ANKRD31: variants seen among roughly 807,000 people sequenced by gnomAD.
ANKRD31 encodes the protein ankyrin repeat domain-containing protein 31.
Under a neutral mutation model 186.0 loss-of-function variants are expected in ANKRD31, and 147 were observed. The ratio of observed to expected loss-of-function variants is 0.79; its 90% CI spans 0.69 to 0.91. ANKRD31 has a LOEUF of 0.91. Among genes scored for constraint, ANKRD31 ranks in the 40% least tolerant of loss-of-function variants. The pLI, the probability that ANKRD31 is intolerant of heterozygous loss-of-function variation, is 0.00. For synonymous variants in ANKRD31, 673 were observed against 736.4 expected (o/e 0.91, Z 1.39); for missense variants, 1,986 against 2,148.8 (o/e 0.92, Z 1.50).
chr5:75,128,413 A>C (rs1399713196), intron 17 of ANKRD31, among the ~76,000 whole-genome samples: 2 of 44,484 alleles, frequency 4.5e-5, no homozygotes, highest in East Asian at 1.3e-3. Context: ...AAAATAAAAA[A>C]GAAGTGAGAG....
chr5:75,154,884 C>G (rs866234772), intron 11 of ANKRD31, among the ~76,000 whole-genome samples: 1 of 152,108 alleles, frequency 6.6e-6, no homozygotes, highest in Non-Finnish European at 1.5e-5. Context: ...ACTGTTACTA[C>G]TTCTCAAACA....
chr5:75,179,637 G>C (rs1008972200), intron 10 of ANKRD31, among the ~76,000 whole-genome samples: 1 of 151,196 alleles, frequency 6.6e-6, no homozygotes, highest in African/African-American at 2.4e-5. Context: ...CAAAAACCAC[G>C]ATTATCTCAA....
intron 17 of ANKRD31, among the ~76,000 whole-genome samples, chr5:75,127,162 G>A (rs1226032360): frequency 6.7e-6 from 1 of 148,396 alleles, no homozygotes; most frequent in African/African-American, 2.5e-5. Flanking sequence ...TCCAGCCTGG[G>A]TGGCAAAGTG....
At chr5:75,085,471 A>G (rs1745414032) in intron 23 of ANKRD31, among the ~76,000 whole-genome samples, 1 of 151,902 alleles carries the variant, frequency 6.6e-6, no homozygotes, top group Non-Finnish European at 1.5e-5. Flanking sequence ...TCCTGAGTTC[A>G]AGCAATTCTC....
At chr5:75,148,306 C>A (rs900821900) in intron 13 of ANKRD31, among the ~76,000 whole-genome samples, 1 of 151,640 alleles carries the variant, frequency 6.6e-6, no homozygotes, top group African/African-American at 2.4e-5. Flanking sequence ...TATGCTTAGG[C>A]CACAGGAAAT....
At chr5:75,174,967 T>C (rs1753670613) in intron 10 of ANKRD31, among the ~76,000 whole-genome samples, 1 of 152,164 alleles carries the variant, frequency 6.6e-6, no homozygotes, top group African/African-American at 2.4e-5. Flanking sequence ...TAGCAAAGAC[T>C]TGGAACTAAC....
At chr5:75,100,153 T>C (rs900921421) in intron 22 of ANKRD31, among the ~76,000 whole-genome samples, 1 of 152,230 alleles carries the variant, frequency 6.6e-6, no homozygotes, top group African/African-American at 2.4e-5. Context: ...CAAGAACTTC[T>C]TTATTTCTGC....
intron 17 of ANKRD31, among the ~76,000 whole-genome samples, chr5:75,134,736 T>A (rs930165101): frequency 6.6e-6 from 1 of 152,126 alleles, no homozygotes; most frequent in South Asian, 2.1e-4. Context: ...TTTGGACCAA[T>A]ATCCCTGATG....
chr5:75,137,498 TA>T (rs1322755130), intron 17 of ANKRD31, among the ~76,000 whole-genome samples: 2 of 152,112 alleles, frequency 1.3e-5, no homozygotes, highest in Admixed American at 6.6e-5. Flanking sequence ...AATTTTAAGT[TA>T]AAAAAATCTA....
At position 75,196,053 on chromosome 5, in the gene ANKRD31, T is replaced by C. The variant is rs1010308597; in HGVS notation, c.595A>G (p.Lys199Glu). 1.2e-5 allele frequency: 18 copies of C among 1,536,682 alleles called. No individual in the cohort carries two copies. The highest frequency in any genetic ancestry group is 1.4e-5 in the Non-Finnish European group (16 of 1,146,672). ...AAPNTFFEPR[K>E]EVTMTMTSEE... ...GAAGTCATGGTCATTGTGACTTCCTTTCTAGGCTCAAAAAATGTATTTGGT... is the reference window on the plus strand; with the variant it reads ...GAAGTCATGGTCATTGTGACTTCCTCTCTAGGCTCAAAAAATGTATTTGGT... Residue 199 changes from lysine (K) to glutamate (E), a missense_variant, in exon 7 of 26, where the codon AAG (lysine) becomes GAG (glutamate). Transcript: ENST00000506364.
At chr5:75,122,456 T>C (rs1034301292) in intron 17 of ANKRD31, among the ~76,000 whole-genome samples, 1 of 151,356 alleles carries the variant, frequency 6.6e-6, no homozygotes, top group African/African-American at 2.4e-5. Context: ...GACACCAAAG[T>C]CTGACAAGAA....
chr5:75,221,454 G>T (rs1218576441), intron 3 of ANKRD31, among the ~76,000 whole-genome samples: 1 of 152,034 alleles, frequency 6.6e-6, no homozygotes, highest in African/African-American at 2.4e-5. Context: ...TACCATACAG[G>T]CTATATCTTC....
At chr5:75,083,915 G>A (rs2150018477) in intron 24 of ANKRD31, among the ~76,000 whole-genome samples, 1 of 152,246 alleles carries the variant, frequency 6.6e-6, no homozygotes, top group South Asian at 2.1e-4. Flanking sequence ...GACAAAAAGG[G>A]TCACATATAT....
chr5:75,106,620 T>C (rs1194002806), intron 21 of ANKRD31, among the ~76,000 whole-genome samples: 1 of 151,966 alleles, frequency 6.6e-6, no homozygotes, highest in Non-Finnish European at 1.5e-5. Context: ...GAAACTCCAA[T>C]TGATCAGGAA....
chr5:75,226,931 T>G (rs1312121322), intron 2 of ANKRD31, among the ~76,000 whole-genome samples: 1 of 152,016 alleles, frequency 6.6e-6, no homozygotes, highest in East Asian at 1.9e-4. Context: ...TTTGGGATTT[T>G]CCTTTCCAAA....
At chr5:75,099,185 T>G (rs1746595199) in intron 22 of ANKRD31, among the ~76,000 whole-genome samples, 1 of 152,228 alleles carries the variant, frequency 6.6e-6, no homozygotes, top group Non-Finnish European at 1.5e-5. Context: ...TCTATTGAGA[T>G]AATCATGGGG....
intron 11 of ANKRD31, among the ~76,000 whole-genome samples, chr5:75,159,998 G>A (rs1415388146): frequency 6.6e-6 from 1 of 152,032 alleles, no homozygotes; most frequent in Non-Finnish European, 1.5e-5. Context: ...AATGATACCA[G>A]TTGGTAACTT....
At chr5:75,201,235 A>C (rs959935268) in intron 5 of ANKRD31, among the ~76,000 whole-genome samples, 1 of 152,204 alleles carries the variant, frequency 6.6e-6, no homozygotes, top group South Asian at 2.1e-4. Context: ...TATGAAAATC[A>C]GTTAGGAGGG....
intron 10 of ANKRD31, among the ~76,000 whole-genome samples, chr5:75,175,179 T>C (rs1052678868): frequency 6.6e-6 from 1 of 152,070 alleles, no homozygotes; most frequent in Non-Finnish European, 1.5e-5. Flanking sequence ...AATTGAACAA[T>C]GAGAACACTT....
Sources: allele counts gnomAD v4.1 joint callset (sites outside exome capture counted in the v4.1 genomes callset), GRCh38; gene constraint gnomAD v4.1.1; transcripts MANE v1.5; gene names NCBI Gene and HGNC (gene_info 2026-07-23, HGNC 2026-07-21).